The following SLC2A12 variants were observed in gnomAD, a reference collection of about 807,000 sequenced individuals.
SLC2A12 encodes solute carrier family 2, facilitated glucose transporter member 12.
SLC2A12 carries 23 observed loss-of-function variants against 41.8 expected under a neutral mutation model. The observed-to-expected ratio is 0.55, with a 90% CI of 0.40 to 0.78. SLC2A12 has a LOEUF of 0.78. SLC2A12 is among the 30% of genes least tolerant of loss of function. The pLI is 0.00. For missense variants in SLC2A12, 654 were observed against 745.6 expected (o/e 0.88, Z 1.43); for synonymous variants, 295 against 285.9 (o/e 1.03, Z -0.32).
chr6:133,996,866 A>G (rs1402753035), intron 4 of SLC2A12, among the ~76,000 whole-genome samples: 2 of 152,060 alleles, frequency 1.3e-5, no homozygotes, highest in African/African-American at 4.8e-5. Flanking sequence ...TGTTTAACGT[A>G]TACCCTTTAG....
rs1776587581 is a variant in SLC2A12, at chr6:133,989,380, T to C, written c.*1775A>G. Reference sequence around the variant, plus strand: ...AAATATAAAAGAATGCTCAAGATACTGAAGTCAAGGTCACTAGTAATAAAC... The same window carrying C: ...AAATATAAAAGAATGCTCAAGATACCGAAGTCAAGGTCACTAGTAATAAAC... On this transcript the variant is annotated 3_prime_UTR_variant, in exon 5 of 5. Transcript: ENST00000275230. The C allele has an allele frequency of 1.3e-5, 2 of 152,114 alleles. No individual in the cohort carries two copies. The highest frequency in any genetic ancestry group is 1.3e-4 in the Admixed American group (2 of 15,256). 9.4% of individuals were successfully genotyped at this position (152,114 alleles called of 1,614,324 possible).
chr6:134,006,064 C>T (rs1368596780), intron 3 of SLC2A12, among the ~76,000 whole-genome samples: 1 of 150,972 alleles, frequency 6.6e-6, no homozygotes, highest in African/African-American at 2.4e-5. Flanking sequence ...CCCAGCTGCT[C>T]CAGAGGCTGA....
chr6:134,021,374 G>T (rs1002129868), intron 2 of SLC2A12, among the ~76,000 whole-genome samples: 1 of 152,026 alleles, frequency 6.6e-6, no homozygotes, highest in Non-Finnish European at 1.5e-5. Flanking sequence ...TCACTTACAG[G>T]GACAGAAAGA....
rs1776573176 is a variant in SLC2A12 at position 133,988,672 on chromosome 6, C to T, written c.*2483G>A. On this transcript the variant is annotated 3_prime_UTR_variant, in exon 5 of 5. Transcript: ENST00000275230. ...AAAGTGGAAAGCAAAGGCTAACTTA[C>T]ATTTTTCCTTCTTGTGAAATATTTC... is the stretch of plus-strand genomic sequence containing the variant. The T allele has an allele frequency of 6.6e-6, 1 of 152,060 alleles. No homozygotes were observed. The highest frequency in any genetic ancestry group is 2.1e-4 in the South Asian group (1 of 4,812). 9.4% of individuals were successfully genotyped at this position (152,060 alleles called of 1,614,324 possible). A position where few individuals can be genotyped will look rare whatever the true frequency, so the allele number is the denominator to read the frequency against.
chr6:134,006,019 A>G (rs1373661396), intron 3 of SLC2A12, among the ~76,000 whole-genome samples: 1 of 151,804 alleles, frequency 6.6e-6, no homozygotes. Context: ...TAAAAATACA[A>G]AAATTAGCTG....
Position 133,991,206 on chromosome 6 carries a change from A to C in SLC2A12, c.1803T>G (p.Cys601Trp), listed in dbSNP as rs749540035. The C allele has an allele frequency of 1.2e-6, 2 of 1,614,068 alleles. No homozygotes were observed. Among genetic ancestry groups the C allele is most frequent in the South Asian group, 2.2e-5 (2 of 91,046 alleles). ...KRKPQEQLLE[C>W]NKLCGRGQSR... ...ATTGGCCCCTACCACACAGCTTGTT[A>C]CACTCCAAGAGCTGCTCCTGGGGTT... Residue 601 changes from cysteine (C) to tryptophan (W), a missense_variant, in exon 5 of 5, where the codon TGT (cysteine) becomes TGG (tryptophan). Coordinates refer to ENST00000275230, the MANE Select transcript of SLC2A12 (RefSeq NM_145176.3).
In SLC2A12 at chr6:134,043,298, CTGAAG is replaced by C. The variant is rs763721334; in HGVS notation, c.103+9075_103+9079del. The stretch of plus-strand genomic sequence containing the variant: ...GAGGGTGATCAGAACCACGAAACTC[CTGAAG>C]TGTACTGTGTGTGTTTGGATGGGAG... On this transcript the variant is annotated intron_variant, in intron 1 of 4. Coordinates refer to ENST00000275230, the MANE Select transcript of SLC2A12 (RefSeq NM_145176.3). Among the ~76,000 whole-genome samples, 21 of 152,126 alleles carry C rather than the reference CTGAAG, an allele frequency of 1.4e-4. No homozygotes were observed. The South Asian group carries it at 1.5e-3, about 11-fold the overall frequency.
rs1776760709 is a variant in SLC2A12, at chr6:134,002,100, T to C, written c.1597A>G (p.Ile533Val). The C allele has an allele frequency of 6.3e-7, 1 of 1,599,712 alleles. No homozygotes were observed. The highest frequency in any genetic ancestry group is 1.4e-5 in the African/African-American group (1 of 73,826). Residue 533 changes from isoleucine (I) to valine (V), a missense_variant, in exon 4 of 5, where the codon ATA (isoleucine) becomes GTA (valine). By Grantham distance (29) the Ile-to-Val change is conservative (BLOSUM62 3). Coordinates refer to ENST00000275230, the MANE Select transcript of SLC2A12 (RefSeq NM_145176.3). ...DLIGLPWVCF[I>V]YTIMSLASLL... ...GATGCTAGACTCATGATTGTATATA[T>C]AAAGCACACCCATGGCAGGCCAATA...
chr6:134,010,093 T>A (rs144652051), intron 2 of SLC2A12, among the ~76,000 whole-genome samples: 10 of 152,320 alleles, frequency 6.6e-5, no homozygotes, highest in Admixed American at 2.6e-4. Flanking sequence ...AAACTCAGTT[T>A]CAGTTCATAA....
chr6:134,012,757 C>A (rs1776904659), intron 2 of SLC2A12, among the ~76,000 whole-genome samples: 1 of 152,076 alleles, frequency 6.6e-6, no homozygotes. Flanking sequence ...CCCTTGAGGC[C>A]AGAAGTTTGG....
chr6:134,042,997 A>G (rs1367458391), intron 1 of SLC2A12, among the ~76,000 whole-genome samples: 2 of 139,534 alleles, frequency 1.4e-5, no homozygotes, highest in East Asian at 2.0e-4. Flanking sequence ...AAAACAAAAC[A>G]AAAACCAAAC....
In SLC2A12 at chr6:134,044,930, G is replaced by A. The variant is rs375426321; in HGVS notation, c.103+7448C>T. ...TGTCTGGCAGGCAAGTTTCATTGACGGCTATTGCAATCAGCCTTCATGGTT... is the reference window on the plus strand; with the variant it reads ...TGTCTGGCAGGCAAGTTTCATTGACAGCTATTGCAATCAGCCTTCATGGTT... On this transcript the variant is annotated intron_variant, in intron 1 of 4. Transcript: ENST00000275230. Among the ~76,000 whole-genome samples the A allele has an allele frequency of 7.9e-5, 12 of 152,174 alleles. No individual in the cohort carries two copies. In the East Asian group the frequency reaches 1.7e-3, roughly 22 times the overall value.
chr6:133,999,802 G>A (rs1776734081), intron 4 of SLC2A12, among the ~76,000 whole-genome samples: 1 of 152,186 alleles, frequency 6.6e-6, no homozygotes, highest in South Asian at 2.1e-4. Context: ...GCAACATTTG[G>A]GATGCCTTGT....
At chr6:134,007,925 T>G (rs114313753) in intron 2 of SLC2A12, among the ~76,000 whole-genome samples, 61 of 152,336 alleles carry the variant, frequency 4.0e-4, no homozygotes, top group African/African-American at 1.4e-3. Flanking sequence ...TCTCTGGAAT[T>G]CATGCTTTTT....
chr6:134,010,766 A>G (rs974002532), intron 2 of SLC2A12, among the ~76,000 whole-genome samples: 1 of 152,162 alleles, frequency 6.6e-6, no homozygotes, highest in Non-Finnish European at 1.5e-5. Flanking sequence ...TCATAAAAAG[A>G]TCATGAAGGG....
chr6:134,048,806 G>A lies in SLC2A12; in HGVS notation c.103+3572C>T, dbSNP rs187959972. On this transcript the variant is annotated intron_variant, in intron 1 of 4. Transcript: ENST00000275230. ...TGCCTGGGTCTGCCCAAGGTAACTG[G>A]CCTCTTACTAGAATCTGTCTTCTCA... 2.3e-3 allele frequency among the ~76,000 whole-genome samples: 356 copies of A among 152,244 alleles called. 1 individual carries two copies. Among genetic ancestry groups the A allele is most frequent in the African/African-American group, 8.1e-3 (338 of 41,532 alleles).
chr6:134,039,761 T>C (rs1472996596), intron 1 of SLC2A12, among the ~76,000 whole-genome samples: 1 of 152,218 alleles, frequency 6.6e-6, no homozygotes, highest in Non-Finnish European at 1.5e-5. Flanking sequence ...ATGGGGGCCC[T>C]TATGAATGGC....
In SLC2A12 at chr6:133,987,648, G is replaced by GTGTGTATA. The variant is rs200249148; in HGVS notation, c.*3506_*3507insTATACACA. The GTGTGTATA allele has an allele frequency of 1.2e-4, 11 of 88,398 alleles. No individual in the cohort carries two copies. Among genetic ancestry groups the GTGTGTATA allele is most frequent in the South Asian group, 1.2e-3 (4 of 3,238 alleles). The allele number at this position is 88,398 out of a possible 1,614,324, so 5.5% of individuals were successfully genotyped here. On this transcript the variant is annotated 3_prime_UTR_variant, in exon 5 of 5. Coordinates refer to ENST00000275230, the MANE Select transcript of SLC2A12 (RefSeq NM_145176.3). ...TTTGTGTGTGTGTGTGTGTGTGTGT[G>GTGTGTATA]TATATATATATATATATATGCACCA... is the stretch of plus-strand genomic sequence containing the variant.
At chr6:134,035,242 G>A (rs906049462) in intron 1 of SLC2A12, among the ~76,000 whole-genome samples, 5 of 150,702 alleles carry the variant, frequency 3.3e-5, no homozygotes, top group African/African-American at 9.8e-5. Flanking sequence ...TGACCCTCTC[G>A]CATTTTCCCC....
Sources: allele counts gnomAD v4.1 joint callset (sites outside exome capture counted in the v4.1 genomes callset), GRCh38; gene constraint gnomAD v4.1.1; transcripts MANE v1.5; gene names NCBI Gene and HGNC (gene_info 2026-07-23, HGNC 2026-07-21).